The following PIK3CD variants were observed in gnomAD, a reference collection of about 807,000 sequenced individuals.
PIK3CD encodes the protein phosphatidylinositol-4,5-bisphosphate 3-kinase catalytic subunit delta.
Under a neutral mutation model 122.9 loss-of-function variants are expected in PIK3CD, and 20 were observed. The ratio of observed to expected loss-of-function variants is 0.16; its 90% confidence interval spans 0.11 to 0.24. PIK3CD has a LOEUF of 0.24. Among genes scored for constraint, PIK3CD ranks in the 10% least tolerant of loss-of-function variants. The pLI, the probability that PIK3CD is intolerant of heterozygous loss-of-function variation, is 1.00. For synonymous variants in PIK3CD, 596 were observed against 593.4 expected, an observed-to-expected ratio of 1.00 and a Z score of -0.06; for missense variants, 787 against 1,406.3, an observed-to-expected ratio of 0.56 and a Z score of 7.04.
chr1:9,635,275 G>GGA, the PIK3CD span, among the ~76,000 whole-genome samples: 99 of 128,592 alleles, frequency 7.7e-4, 1 homozygote, highest in Middle Eastern at 0.02. Flanking sequence ...ACTCCATCCT[G>GGA]AAAAAAAAAA....
Position 9,727,202 on chromosome 1 carries a change from G to GA in PIK3CD, c.*159dup, listed in dbSNP as rs1649793079. On this transcript the variant is annotated 3_prime_UTR_variant, in exon 24 of 24. Transcript: ENST00000377346. ...TACACTGGTTATTTATTTATGACTT[G>GA]AAATAGTTTAAGGAGCTAAACAGCC... 2 of 872,724 alleles carry GA rather than the reference G, an allele frequency of 2.3e-6. No individual in the cohort carries two copies. The highest frequency in any genetic ancestry group is 3.7e-6 in the Non-Finnish European group (2 of 546,062). The allele number at this position is 872,724 out of a possible 1,614,324, so 54.1% of individuals were successfully genotyped here. A position where few individuals can be genotyped will look rare whatever the true frequency, so the allele number is the denominator to read the frequency against.
chr1:9,720,862 C>A lies in PIK3CD; in HGVS notation c.1642C>A (p.Arg548=). ...GGAGCACTTCCCGGAGGCGCTAGCC[C>A]GGCTGCTGCTGGTCACCAAGTGGAA... is the stretch of plus-strand genomic sequence containing the variant. The part of the protein sequence containing the change: ...VQEHFPEALA[R]LLLVTKWNKH... Residue 548 remains arginine, a synonymous_variant, in exon 13 of 24, where the codon CGG becomes AGG. Coordinates refer to ENST00000377346, the MANE Select transcript of PIK3CD (RefSeq NM_005026.5). This position sits in a 1 kb window ranked among gnomAD's most constrained non-coding sequence, Gnocchi z 9.0. 2 of 1,608,862 alleles carry A rather than the reference C, an allele frequency of 1.2e-6. No homozygotes were observed. The highest frequency in any genetic ancestry group is 2.2e-5 in the South Asian group (2 of 90,252).
chr1:9,723,414 TCAGTTGAGGAC>T lies in PIK3CD; in HGVS notation c.2594+126_2594+136del. On this transcript the variant is annotated intron_variant, in intron 20 of 23. Transcript: ENST00000377346. The surrounding 1 kb of genome is among the most constrained non-coding windows in gnomAD (Gnocchi z 4.9). ...CAGACCATCTTTGTGGCTACTTGGC[TCAGTTGAGGAC>T]CAGCCTGTGTCTGGGTTGGGGTGAG... is the stretch of plus-strand genomic sequence containing the variant. The T allele has an allele frequency of 9.8e-7, 1 of 1,022,852 alleles. No homozygotes were observed. Among genetic ancestry groups the T allele is most frequent in the Non-Finnish European group, 1.5e-6 (1 of 654,904 alleles). The allele number at this position is 1,022,852 out of a possible 1,614,324, so 63.4% of individuals were successfully genotyped here.
At chr1:9,690,736 G>A (rs965319082) in intron 1 of PIK3CD, among the ~76,000 whole-genome samples, 3 of 152,222 alleles carry the variant, frequency 2.0e-5, no homozygotes, top group African/African-American at 7.2e-5. Context: ...GGGCTCTGCT[G>A]TTTGACTCAT....
In PIK3CD at chr1:9,715,594, C is replaced by G. The variant is rs752425885; in HGVS notation, c.195C>G (p.Pro65=). Residue 65 remains proline (P), a synonymous_variant, in exon 4 of 24, where the codon CCC becomes CCG. Transcript: ENST00000377346. This position sits in a 1 kb window ranked among gnomAD's most constrained non-coding sequence, Gnocchi z 4.1. ...YEPLFHMLSG[P]EAYVFTCINQ... ...CGCTCTTCCACATGCTCAGTGGCCC[C>G]GAGGCCTATGTGTTCACCTGCATCA... 2 of 1,613,828 alleles carry G rather than the reference C, an allele frequency of 1.2e-6. No homozygotes were observed. Among genetic ancestry groups the G allele is most frequent in the Non-Finnish European group, 1.7e-6 (2 of 1,180,044 alleles).
At position 9,720,590 on chromosome 1, in the gene PIK3CD, G is replaced by C; in HGVS notation, c.1471-21G>C. The C allele has an allele frequency of 6.5e-7, 1 of 1,548,916 alleles. No homozygotes were observed. The highest frequency in any genetic ancestry group is 2.5e-5 in the East Asian group (1 of 40,808). On this transcript the variant is annotated intron_variant, in intron 11 of 23. Transcript: ENST00000377346. The surrounding 1 kb of genome is among the most constrained non-coding windows in gnomAD (Gnocchi z 9.0). The stretch of plus-strand genomic sequence containing the variant: ...GCTGGTCCAGGCCCCTGGGGACGCT[G>C]AGTGCAGCCGTTTGTTGCAGATCTT...
chr1:9,672,043 G>A (rs1414344062), intron 1 of PIK3CD, among the ~76,000 whole-genome samples: 4 of 152,128 alleles, frequency 2.6e-5, no homozygotes, highest in Non-Finnish European at 5.9e-5. Flanking sequence ...GGAGATGGCC[G>A]GGCAGCTGGC....
chr1:9,660,265 T>C (rs538561442), intron 1 of PIK3CD, among the ~76,000 whole-genome samples: 1 of 152,356 alleles, frequency 6.6e-6, no homozygotes. Flanking sequence ...TTGCTCCCAC[T>C]CTATGGCTTT....
chr1:9,727,717 T>TA lies in PIK3CD; in HGVS notation c.*674dup. On this transcript the variant is annotated 3_prime_UTR_variant, in exon 24 of 24. Transcript: ENST00000377346. The stretch of plus-strand genomic sequence containing the variant: ...ATCTACGCTGGTCCTCAGGACGTGT[T>TA]AAAGAGATCTGGGCCTCATGTAGCT... The TA allele has an allele frequency of 4.7e-6, 1 of 211,868 alleles. No individual in the cohort carries two copies. The allele number at this position is 211,868 out of a possible 1,614,324, so 13.1% of individuals were successfully genotyped here. A position where few individuals can be genotyped will look rare whatever the true frequency, so the allele number is the denominator to read the frequency against.
chr1:9,644,375 G>A, the PIK3CD span, among the ~76,000 whole-genome samples: 6 of 151,960 alleles, frequency 3.9e-5, no homozygotes, highest in East Asian at 1.9e-4. Context: ...TTAGCTGGGC[G>A]TGGTGGTGGG....
At chr1:9,632,651 A>G in the PIK3CD span, among the ~76,000 whole-genome samples, 11 of 152,234 alleles carry the variant, frequency 7.2e-5, no homozygotes, top group East Asian at 2.1e-3. Context: ...GGTTGGGTCA[A>G]TTGAACATTA....
chr1:9,727,163 G>A lies in PIK3CD; in HGVS notation c.*117G>A. ...GCACCTAACGGGAAAGAACCGACAT[G>A]GCTGCCTTTTGTTTACACTGGTTAT... On this transcript the variant is annotated 3_prime_UTR_variant, in exon 24 of 24. Coordinates refer to ENST00000377346, the MANE Select transcript of PIK3CD (RefSeq NM_005026.5). 1 of 1,183,784 alleles carries A rather than the reference G, an allele frequency of 8.4e-7. No homozygotes were observed. Among genetic ancestry groups the A allele is most frequent in the Non-Finnish European group, 1.2e-6 (1 of 807,792 alleles). The allele number at this position is 1,183,784 out of a possible 1,614,324, so 73.3% of individuals were successfully genotyped here.
At chr1:9,711,579 C>A (rs1647052922) in intron 3 of PIK3CD, among the ~76,000 whole-genome samples, 1 of 151,706 alleles carries the variant, frequency 6.6e-6, no homozygotes, top group Non-Finnish European at 1.5e-5. Context: ...ACTGTGTCAT[C>A]ATTTTTTTTT....
In PIK3CD at chr1:9,652,234, G is replaced by A. The variant is rs1403836292; in HGVS notation, c.-138+432G>A. Among the ~76,000 whole-genome samples, 1 of 152,234 alleles carries A rather than the reference G, an allele frequency of 6.6e-6. No individual in the cohort carries two copies. The highest frequency in any genetic ancestry group is 2.4e-5 in the African/African-American group (1 of 41,474). The stretch of plus-strand genomic sequence containing the variant: ...GCTCCGAGCGCTGACTAGAGGACCA[G>A]GGGCCTCCTCTGTACGGCAGCGGGG... On this transcript the variant is annotated intron_variant, in intron 1 of 23. Coordinates refer to ENST00000377346, the MANE Select transcript of PIK3CD (RefSeq NM_005026.5). The surrounding 1 kb of genome is among the most constrained non-coding windows in gnomAD (Gnocchi z 6.2).
At chr1:9,684,584 A>G (rs981510064) in intron 1 of PIK3CD, among the ~76,000 whole-genome samples, 1 of 150,130 alleles carries the variant, frequency 6.7e-6, no homozygotes, top group African/African-American at 2.5e-5. Context: ...GTTGGGTGTG[A>G]TGGCTCACAT....
chr1:9,682,975 G>C (rs1645814707), intron 1 of PIK3CD, among the ~76,000 whole-genome samples: 1 of 151,850 alleles, frequency 6.6e-6, no homozygotes, highest in Non-Finnish European at 1.5e-5. Context: ...CCATCATAGG[G>C]GTGACCCAGT....
At position 9,715,960 on chromosome 1, in the gene PIK3CD, C is replaced by A; in HGVS notation, c.482C>A (p.Ala161Asp). Residue 161 changes from alanine (A) to aspartate (D), a missense_variant, in exon 5 of 24, where the codon GCC becomes GAC. Coordinates refer to ENST00000377346, the MANE Select transcript of PIK3CD (RefSeq NM_005026.5). The surrounding 1 kb of genome is among the most constrained non-coding windows in gnomAD (Gnocchi z 4.1). The part of the protein sequence containing the change: ...AARRQQLGWE[A>D]WLQYSFPLQL... The stretch of plus-strand genomic sequence containing the variant: ...CGCCGGCAGCAGCTGGGCTGGGAGG[C>A]CTGGCTGCAGTACAGTTTCCCCCTG... The A allele has an allele frequency of 6.2e-7, 1 of 1,612,394 alleles. No individual in the cohort carries two copies. The highest frequency in any genetic ancestry group is 8.5e-7 in the Non-Finnish European group (1 of 1,179,834).
intron 1 of PIK3CD, among the ~76,000 whole-genome samples, chr1:9,683,786 T>C: frequency 6.6e-6 from 1 of 152,136 alleles, no homozygotes; most frequent in East Asian, 1.9e-4. Context: ...GGCCTGGCTC[T>C]GCTCCCATGA....
chr1:9,674,715 CAAAAA>C (rs201426668), intron 1 of PIK3CD, among the ~76,000 whole-genome samples: 2,200 of 135,658 alleles, frequency 0.016, 57 homozygotes, highest in African/African-American at 0.057. Flanking sequence ...AAAAAAGAAA[CAAAAA>C]GAAAAGAGAG....
Sources: gnomAD v4.1 joint callset for allele counts (sites outside exome capture counted in the v4.1 genomes callset) on GRCh38, gnomAD v4.1.1 for gene constraint, Gnocchi (gnomAD v3.1) non-coding constraint, MANE v1.5 for transcripts, NCBI Gene and HGNC (gene_info 2026-07-23, HGNC 2026-07-21) for gene names.